The following LPP variants were observed in gnomAD, a reference collection of about 807,000 sequenced individuals.
The protein encoded by LPP is lipoma-preferred partner.
LPP carries 38 observed loss-of-function variants against 60.4 expected under a neutral mutation model. The observed-to-expected ratio is 0.63, with a 90% CI of 0.49 to 0.83. The LOEUF is 0.83. Ranked by LOEUF, LPP falls within the 40% of genes least tolerant of loss-of-function variation. LPP has a pLI of 0.00. For missense variants in LPP, 902 were observed against 783.6 expected (o/e 1.15, Z -1.80); for synonymous variants, 328 against 290.8 (o/e 1.13, Z -1.30).
rs7618009 is a variant in LPP, at chr3:188,449,798, T to C, written c.194-34794T>C. 8.5e-3 allele frequency among the ~76,000 whole-genome samples: 1,298 copies of C among 152,094 alleles called. 12 individuals are homozygous for C. Among genetic ancestry groups the C allele is most frequent in the African/African-American group, 0.03 (1,250 of 41,464 alleles). On this transcript the variant is annotated intron_variant, in intron 4 of 11. Transcript: ENST00000617246. ...CCCTCAAAAATAAGTAACATTTATA[T>C]TGCTATTATTATTATTATTATTTTG...
chr3:188,537,840 A>G (rs1824053743), intron 6 of LPP, among the ~76,000 whole-genome samples: 2 of 152,172 alleles, frequency 1.3e-5, no homozygotes, highest in South Asian at 4.1e-4. Context: ...TCCTAGTTTC[A>G]AAACTTTCTT....
intron 5 of LPP, among the ~76,000 whole-genome samples, chr3:188,487,941 G>T (rs1807078837): frequency 1.3e-5 from 2 of 151,990 alleles, no homozygotes; most frequent in South Asian, 4.2e-4. Flanking sequence ...AGCAGAAAGG[G>T]ACCTTAGAGA....
At chr3:188,659,041 C>A (rs75920634) in intron 7 of LPP, among the ~76,000 whole-genome samples, 4,952 of 152,272 alleles carry the variant, frequency 0.033, 268 homozygotes, top group African/African-American at 0.11. Flanking sequence ...CTAGCAGCCT[C>A]CCCTGCATCT....
intron 1 of LPP, among the ~76,000 whole-genome samples, chr3:188,155,993 C>T (rs1392311939): frequency 2.0e-5 from 3 of 151,936 alleles, no homozygotes; most frequent in East Asian, 3.9e-4. Flanking sequence ...CTAGCCTGGG[C>T]GACAGAGGGA....
Position 188,240,340 on chromosome 3 carries a change from AGAGT to A in LPP, c.-67+14815_-67+14818del, listed in dbSNP as rs1323572357. Among the ~76,000 whole-genome samples the A allele has an allele frequency of 2.8e-5, 4 of 143,194 alleles. No homozygotes were observed. In the East Asian group the frequency reaches 7.8e-4, roughly 28 times the overall value. The allele number at this position is 143,194 out of a possible 152,430, so 93.9% of individuals were successfully genotyped here. A position where few individuals can be genotyped will look rare whatever the true frequency, so the allele number is the denominator to read the frequency against. Reference sequence around the variant, plus strand: ...GCATAAGAGTCAGGAGTTTTGGGTAAGAGTGTGTGTGTGTGTGTGTGTGTGTGTG... The same window carrying A: ...GCATAAGAGTCAGGAGTTTTGGGTAAGTGTGTGTGTGTGTGTGTGTGTGTG... On this transcript the variant is annotated intron_variant, in intron 2 of 11. Coordinates refer to ENST00000617246, the MANE Select transcript of LPP (RefSeq NM_001375462.1).
At chr3:188,784,072 C>T (rs556595702) in intron 9 of LPP, among the ~76,000 whole-genome samples, 1 of 151,414 alleles carries the variant, frequency 6.6e-6, no homozygotes, top group Admixed American at 6.6e-5. Flanking sequence ...ATCCCTCGTC[C>T]CCCTTCCACG....
intron 3 of LPP, among the ~76,000 whole-genome samples, chr3:188,353,162 C>T (rs2103023): frequency 0.77 from 117,036 of 152,108 alleles, 45,283 homozygotes; most frequent in African/African-American, 0.84. Flanking sequence ...ATGTGGTCTC[C>T]GCCACAAGAT....
At chr3:188,479,386 G>A (rs1804122971) in intron 4 of LPP, among the ~76,000 whole-genome samples, 1 of 152,246 alleles carries the variant, frequency 6.6e-6, no homozygotes, top group African/African-American at 2.4e-5. Flanking sequence ...TGTTGGAAAT[G>A]CAGAATCTCT....
At chr3:188,367,368 A>G (rs1242396974) in intron 3 of LPP, among the ~76,000 whole-genome samples, 1 of 152,220 alleles carries the variant, frequency 6.6e-6, no homozygotes, top group Non-Finnish European at 1.5e-5. Context: ...CTCAAGAAGT[A>G]GAAATCACTC....
rs565479359 is a variant in LPP, at chr3:188,556,700, A to G, written c.429+31913A>G. On this transcript the variant is annotated intron_variant, in intron 6 of 11. Coordinates refer to ENST00000617246, the MANE Select transcript of LPP (RefSeq NM_001375462.1). Reference sequence around the variant, plus strand: ...TTCCACATAGTTCTCCAGATTGTGAATGCTCTGCGAAACCATAGCTTGTTC... The same window carrying G: ...TTCCACATAGTTCTCCAGATTGTGAGTGCTCTGCGAAACCATAGCTTGTTC... Among the ~76,000 whole-genome samples, 28 of 152,024 alleles carry G rather than the reference A, an allele frequency of 1.8e-4. No homozygotes were observed. In the South Asian group the frequency reaches 2.1e-3, roughly 11 times the overall value.
intron 4 of LPP, among the ~76,000 whole-genome samples, chr3:188,483,934 C>T (rs1312779001): frequency 6.6e-6 from 1 of 152,144 alleles, no homozygotes; most frequent in Non-Finnish European, 1.5e-5. Flanking sequence ...TGATGTGCAA[C>T]ATGTAAAAAC....
At chr3:188,850,612 C>T (rs763341921) in intron 9 of LPP, among the ~76,000 whole-genome samples, 1 of 151,972 alleles carries the variant, frequency 6.6e-6, no homozygotes, top group South Asian at 2.1e-4. Flanking sequence ...ACTTTGATAG[C>T]TGTTTATATT....
intron 3 of LPP, among the ~76,000 whole-genome samples, chr3:188,378,648 C>A (rs1414197642): frequency 6.6e-6 from 1 of 152,142 alleles, no homozygotes; most frequent in Non-Finnish European, 1.5e-5. Context: ...ATTCCCTGAC[C>A]CCTTGCAATT....
At position 188,883,734 on chromosome 3, in the gene LPP, A is replaced by G; in HGVS notation, c.*9255A>G. On this transcript the variant is annotated 3_prime_UTR_variant, in exon 12 of 12. Coordinates refer to ENST00000617246, the MANE Select transcript of LPP (RefSeq NM_001375462.1). ...GGCGACAGAACGAGACTCCGTCTCA[A>G]AAAAAAAAAAAAAAAAAAAAGGTTG... is the stretch of plus-strand genomic sequence containing the variant. 1 of 165,594 alleles carries G rather than the reference A, an allele frequency of 6.0e-6. No homozygotes were observed. The highest frequency in any genetic ancestry group is 2.1e-4 in the South Asian group (1 of 4,790). The allele number at this position is 165,594 out of a possible 1,614,324, so 10.3% of individuals were successfully genotyped here.
chr3:188,679,562 TGC>T (rs1553793581), intron 7 of LPP, among the ~76,000 whole-genome samples: 12 of 124,044 alleles, frequency 9.7e-5, no homozygotes, highest in Non-Finnish European at 1.6e-4. Flanking sequence ...TGTGTGTGTG[TGC>T]GCGCGCGCAT....
At chr3:188,184,562 G>A (rs1037805398) in intron 1 of LPP, among the ~76,000 whole-genome samples, 13 of 152,120 alleles carry the variant, frequency 8.5e-5, no homozygotes, top group Admixed American at 8.5e-4. Context: ...GGTGGTATCG[G>A]GTCACCATAC....
At chr3:188,163,667 C>T (rs781778614) in intron 1 of LPP, among the ~76,000 whole-genome samples, 11 of 151,832 alleles carry the variant, frequency 7.2e-5, no homozygotes, top group Admixed American at 1.3e-4. Flanking sequence ...AGTGGCCAGG[C>T]ATGGTGGCTC....
intron 3 of LPP, among the ~76,000 whole-genome samples, chr3:188,371,361 T>G (rs1237031592): frequency 1.3e-5 from 2 of 151,482 alleles, no homozygotes; most frequent in Admixed American, 6.6e-5. Flanking sequence ...CAAAATGAAT[T>G]AGACACAGTT....
chr3:188,600,245 A>G lies in LPP; in HGVS notation c.430-8916A>G, dbSNP rs1840858418. On this transcript the variant is annotated intron_variant, in intron 6 of 11. Coordinates refer to ENST00000617246, the MANE Select transcript of LPP (RefSeq NM_001375462.1). Reference sequence around the variant, plus strand: ...TATATTTATTTTTATACATTTATATATAAGAAATGTATAATATATACTATG... The same window carrying G: ...TATATTTATTTTTATACATTTATATGTAAGAAATGTATAATATATACTATG... Among the ~76,000 whole-genome samples, 3 of 148,434 alleles carry G rather than the reference A, an allele frequency of 2.0e-5. No homozygotes were observed. The South Asian group carries it at 6.3e-4, about 31-fold the overall frequency.
Sources: gnomAD v4.1 joint callset for allele counts (sites outside exome capture counted in the v4.1 genomes callset) on GRCh38, gnomAD v4.1.1 for gene constraint, MANE v1.5 for transcripts, NCBI Gene and HGNC (gene_info 2026-07-23, HGNC 2026-07-21) for gene names.